Variants in AVIL observed in about 807,000 individuals in gnomAD.
AVIL encodes advillin.
AVIL carries 78 observed loss-of-function variants against 109.9 expected under a neutral mutation model. That is an observed-to-expected ratio of 0.71 (90% CI 0.59 to 0.86). The LOEUF (loss-of-function observed/expected upper bound fraction) is 0.86. AVIL is among the 40% of genes least tolerant of loss of function. AVIL has a pLI of 0.00. For synonymous variants in AVIL, 367 were observed against 379.1 expected (o/e 0.97, Z 0.37); for missense variants, 892 against 1,016.5 (o/e 0.88, Z 1.67).
At position 57,811,066 on chromosome 12, in the gene AVIL, T is replaced by G; in HGVS notation, c.400A>C (p.Lys134Gln). ...KHVETNTYDV[K>Q]RLLHVKGKRN... ...TTCCCTTTCACATGTAGCAGCCGCT[T>G]CACGTCGTAGGTATTGGTCTCCACG... Residue 134 changes from lysine to glutamine, a missense_variant, in exon 5 of 20, where the codon AAG (lysine) becomes CAG (glutamine). Lys to Gln is a moderately conservative substitution (Grantham distance 53). Transcript: ENST00000549994. 1.9e-6 allele frequency: 3 copies of G among 1,614,154 alleles called. No homozygotes were observed. The highest frequency in any genetic ancestry group is 2.5e-6 in the Non-Finnish European group (3 of 1,180,014).
At chr12:57,802,770 C>T in intron 16 of AVIL, 1 of 589,218 alleles carries the variant, frequency 1.7e-6, no homozygotes, top group South Asian at 2.2e-5. Context: ...AGAAACCCCC[C>T]ATATCCAATG....
At chr12:57,817,030 G>C (rs1351431452) in intron 1 of AVIL, among the ~76,000 whole-genome samples, 1 of 151,618 alleles carries the variant, frequency 6.6e-6, no homozygotes. Context: ...GTCTGTGTAG[G>C]TCGTGTACCA....
rs1274424768 is a variant in AVIL at position 57,808,397 on chromosome 12, A to G, written c.1091T>C (p.Ile364Thr). The G allele has an allele frequency of 6.2e-7, 1 of 1,614,032 alleles. No individual in the cohort carries two copies. The highest frequency in any genetic ancestry group is 8.5e-7 in the Non-Finnish European group (1 of 1,179,982). ...GLGKTFSIGK[I>T]AKVFQDKFDV... is the part of the protein sequence containing the mutation. ...GGATGATCTGGGGGCAGTCTCACCAATTTTACCAATGCTGAACGTTTTCCC... is the reference window on the plus strand; with the variant it reads ...GGATGATCTGGGGGCAGTCTCACCAGTTTTACCAATGCTGAACGTTTTCCC... The change falls in exon 10 of 20, where the codon ATT (isoleucine) becomes ACT (threonine). Residue 364 changes from isoleucine to threonine, a missense_variant and splice_region_variant. Physicochemically the swap from Ile to Thr is moderately conservative, Grantham distance 89 (BLOSUM62 -1). Transcript: ENST00000549994.
chr12:57,809,033 C>T (rs902205393), intron 9 of AVIL: 7 of 166,538 alleles, frequency 4.2e-5, no homozygotes, highest in Admixed American at 1.2e-4. Context: ...GACAGAGTCT[C>T]GCTCTCACCT....
intron 1 of AVIL, among the ~76,000 whole-genome samples, chr12:57,817,844 A>G (rs1003998183): frequency 5.9e-5 from 9 of 152,132 alleles, no homozygotes; most frequent in Admixed American, 5.2e-4. Flanking sequence ...TCTGACATCA[A>G]ATCTCCCAAA....
At chr12:57,804,830 A>C (rs570688631) in intron 14 of AVIL, among the ~76,000 whole-genome samples, 12 of 152,104 alleles carry the variant, frequency 7.9e-5, no homozygotes, top group East Asian at 5.8e-4. Context: ...CAAAAAAAAA[A>C]CTGAAACTGT....
At position 57,807,842 on chromosome 12, in the gene AVIL, T is replaced by TCTCC. The variant is rs750513870; in HGVS notation, c.1195-119_1195-116dup. The stretch of plus-strand genomic sequence containing the variant: ...GCTGACGTTTACTCCATGTTCCCTT[T>TCTCC]CTCCCTCTGGTTCTCTCCCAGTGCT... On this transcript the variant is annotated intron_variant, in intron 11 of 19. Coordinates refer to ENST00000549994, the MANE Select transcript of AVIL (RefSeq NM_006576.4). The TCTCC allele has an allele frequency of 3.5e-6, 5 of 1,437,058 alleles. No homozygotes were observed. The South Asian group carries it at 5.7e-5, about 17-fold the overall frequency. The allele number at this position is 1,437,058 out of a possible 1,614,324, so 89.0% of individuals were successfully genotyped here.
In AVIL at chr12:57,810,558, A is replaced by G; in HGVS notation, c.559-7T>C. On this transcript the variant is annotated splice_region_variant and splice_polypyrimidine_tract_variant and intron_variant, in intron 6 of 19. Transcript: ENST00000549994. The stretch of plus-strand genomic sequence containing the variant: ...CCTTTGCCAGAAGCATAGCCTGTCA[A>G]AGAAGCCCAAGGAAGCCCTCAGCTC... 1 of 1,608,668 alleles carries G rather than the reference A, an allele frequency of 6.2e-7. No homozygotes were observed. The highest frequency in any genetic ancestry group is 8.5e-7 in the Non-Finnish European group (1 of 1,179,950).
At position 57,802,304 on chromosome 12, in the gene AVIL, C is replaced by G; in HGVS notation, c.2007G>C (p.Glu669Asp). 1 of 1,613,910 alleles carries G rather than the reference C, an allele frequency of 6.2e-7. No individual in the cohort carries two copies. The highest frequency in any genetic ancestry group is 8.5e-7 in the Non-Finnish European group (1 of 1,179,910). Reference protein sequence around the residue: ...IGAEANATEKESALATAQQYL... With the variant: ...IGAEANATEKDSALATAQQYL... Reference sequence around the variant, plus strand: ...ACTGCTGTGCTGTGGCAAGGGCACTCTCCTTCTCCGTGGCATTGGCCTCAG... The same window carrying G: ...ACTGCTGTGCTGTGGCAAGGGCACTGTCCTTCTCCGTGGCATTGGCCTCAG... The change falls in exon 17 of 20, where the codon GAG (glutamate) becomes GAC (aspartate). Residue 669 changes from glutamate to aspartate, a missense_variant. By Grantham distance (45) the Glu-to-Asp change is conservative. Transcript: ENST00000549994.
intron 4 of AVIL, among the ~76,000 whole-genome samples, chr12:57,812,320 C>G (rs984746189): frequency 4.6e-5 from 7 of 152,138 alleles, no homozygotes; most frequent in African/African-American, 7.2e-5. Flanking sequence ...AGGTGTGAGC[C>G]ACCACGCCCA....
At chr12:57,798,854 A>G (rs950935077) in intron 19 of AVIL, among the ~76,000 whole-genome samples, 2 of 152,056 alleles carry the variant, frequency 1.3e-5, no homozygotes, top group Non-Finnish European at 2.9e-5. Flanking sequence ...TGACCTCGTG[A>G]TCCACCCACC....
chr12:57,804,820 CA>C (rs890355764), intron 14 of AVIL, among the ~76,000 whole-genome samples: 6 of 144,532 alleles, frequency 4.2e-5, no homozygotes, highest in South Asian at 2.2e-4. Context: ...AAAAAAAAAA[CA>C]AAAAAAAAAC....
chr12:57,806,187 A>C, intron 14 of AVIL, 173 bp downstream of exon 14: 1 of 438,088 alleles, frequency 2.3e-6, no homozygotes, highest in Non-Finnish European at 3.9e-6. Flanking sequence ...TTTGCATGCC[A>C]TCCTTGCACA....
rs776722033 is a variant in AVIL, at chr12:57,797,864, G to A, written c.*18C>T. ...TGCTCTTTTCTGTGGCCTTGCAATAGGTATAGGCCTTCTTGCTTTAGAAAA... is the reference window on the plus strand; with the variant it reads ...TGCTCTTTTCTGTGGCCTTGCAATAAGTATAGGCCTTCTTGCTTTAGAAAA... On this transcript the variant is annotated 3_prime_UTR_variant, in exon 20 of 20. Coordinates refer to ENST00000549994, the MANE Select transcript of AVIL (RefSeq NM_006576.4). 2 of 1,552,762 alleles carry A rather than the reference G, an allele frequency of 1.3e-6. No individual in the cohort carries two copies. The highest frequency in any genetic ancestry group is 2.4e-5 in the South Asian group (2 of 83,496).
chr12:57,810,035 G>T, intron 7 of AVIL, 145 bp from the exon 8 acceptor site: 1 of 822,446 alleles, frequency 1.2e-6, no homozygotes, highest in Non-Finnish European at 2.0e-6. Context: ...GTGAGGACAG[G>T]AATGTGCAGA....
At chr12:57,803,829 A>G in intron 14 of AVIL, 160 bp from the exon 15 acceptor site, 1 of 1,002,906 alleles carries the variant, frequency 1.0e-6, no homozygotes, top group South Asian at 1.7e-5. Flanking sequence ...AGTGCTGGGG[A>G]GTGGGGAGGA....
Position 57,814,121 on chromosome 12 carries a change from G to A in AVIL, c.141+31C>T, listed in dbSNP as rs1025030324. 5 of 1,609,664 alleles carry A rather than the reference G, an allele frequency of 3.1e-6. No individual in the cohort carries two copies. The Admixed American group carries it at 8.4e-5, about 27-fold the overall frequency. On this transcript the variant is annotated intron_variant, in intron 3 of 19. Coordinates refer to ENST00000549994, the MANE Select transcript of AVIL (RefSeq NM_006576.4). ...GCCCAAGAACTGGCCCCAGGGGAGAGGCTCACAGGAGTGGGGAGGAGGGTG... is the reference window on the plus strand; with the variant it reads ...GCCCAAGAACTGGCCCCAGGGGAGAAGCTCACAGGAGTGGGGAGGAGGGTG...
chr12:57,811,469 T>C (rs1040170281), intron 4 of AVIL, among the ~76,000 whole-genome samples: 8 of 152,216 alleles, frequency 5.3e-5, no homozygotes, highest in African/African-American at 1.9e-4. Flanking sequence ...TTCCAGGAAC[T>C]GTCTGAATGC....
chr12:57,808,064 G>A, intron 11 of AVIL, 130 bp downstream of exon 11: 1 of 1,082,758 alleles, frequency 9.2e-7, no homozygotes, highest in Non-Finnish European at 1.4e-6. Context: ...GACTCTTAAA[G>A]AAGACTCCTG....
Sources: allele counts gnomAD v4.1 joint callset (sites outside exome capture counted in the v4.1 genomes callset), GRCh38; gene constraint gnomAD v4.1.1; transcripts MANE v1.5; gene names NCBI Gene and HGNC (gene_info 2026-07-23, HGNC 2026-07-21).